The following HADHA variants were observed in gnomAD, a reference collection of about 807,000 sequenced individuals.
HADHA encodes the protein trifunctional enzyme subunit alpha, mitochondrial.
HADHA carries 59 observed loss-of-function variants against 91.3 expected under a neutral mutation model. The ratio of observed to expected loss-of-function variants is 0.65; its 90% CI spans 0.52 to 0.80. HADHA has a LOEUF of 0.80. HADHA is among the 30% of genes least tolerant of loss of function. HADHA has a pLI of 0.00. For missense variants in HADHA, 800 were observed against 927.6 expected, an observed-to-expected ratio of 0.86 and a Z score of 1.79; for synonymous variants, 320 against 338.9, an observed-to-expected ratio of 0.94 and a Z score of 0.61.
At position 26,190,892 on chromosome 2, in the gene HADHA, A is replaced by T; in HGVS notation, c.*358T>A. 1 of 370,742 alleles carries T rather than the reference A, an allele frequency of 2.7e-6. No homozygotes were observed. The highest frequency in any genetic ancestry group is 5.0e-6 in the Non-Finnish European group (1 of 198,768). The allele number at this position is 370,742 out of a possible 1,614,324, so 23.0% of individuals were successfully genotyped here. On this transcript the variant is annotated 3_prime_UTR_variant, in exon 20 of 20. Coordinates refer to ENST00000380649, the MANE Select transcript of HADHA (RefSeq NM_000182.5). ...GATGCTGACACAGAGTTTGGTTTTT[A>T]TTGTTATGTGTTTGGCTGGGTGCAG...
At chr2:26,236,740 G>A (rs1670770183) in intron 4 of HADHA, 115 bp downstream of exon 4, 3 of 811,510 alleles carry the variant, frequency 3.7e-6, no homozygotes, top group Middle Eastern at 3.7e-4. Context: ...CAATTTTACA[G>A]GCCTGTGTCA....
At chr2:26,206,444 G>T (rs1669973812) in intron 11 of HADHA, among the ~76,000 whole-genome samples, 1 of 152,028 alleles carries the variant, frequency 6.6e-6, no homozygotes, top group African/African-American at 2.4e-5. Context: ...GGCCAGGCTG[G>T]TCTCGAACTC....
At chr2:26,234,453 A>G (rs1670699256) in intron 4 of HADHA, 98 bp from the exon 5 acceptor site, 1 of 1,025,370 alleles carries the variant, frequency 9.8e-7, no homozygotes, top group Admixed American at 1.9e-5. Flanking sequence ...ATCATGCATC[A>G]ATATTTGATG....
Position 26,236,930 on chromosome 2 carries a change from C to T in HADHA, c.239G>A (p.Trp80Ter), listed in dbSNP as rs757049846. 1.9e-6 allele frequency: 3 copies of T among 1,607,780 alleles called. No individual in the cohort carries two copies. The highest frequency in any genetic ancestry group is 1.1e-5 in the South Asian group (1 of 90,958). Residue 80 changes from tryptophan to a stop codon, truncating the protein, a stop_gained, in exon 4 of 20, where the codon TGG becomes TAG. Transcript: ENST00000380649. LOFTEE classifies it high-confidence loss of function. ...SEFSEVMNEI[W>*]ASDQIRSAVL... The stretch of plus-strand genomic sequence containing the variant: ...GGCACTTCTGATTTGATCACTAGCC[C>T]AGATTTCATTCATAACTTCTGAGAA...
At position 26,190,896 on chromosome 2, in the gene HADHA, T is replaced by C; in HGVS notation, c.*354A>G. On this transcript the variant is annotated 3_prime_UTR_variant, in exon 20 of 20. Transcript: ENST00000380649. ...CTGACACAGAGTTTGGTTTTTATTG[T>C]TATGTGTTTGGCTGGGTGCAGAACT... 2.6e-6 allele frequency: 1 copy of C among 384,740 alleles called. No individual in the cohort carries two copies. The highest frequency in any genetic ancestry group is 4.8e-6 in the Non-Finnish European group (1 of 206,746). The allele number at this position is 384,740 out of a possible 1,614,324, so 23.8% of individuals were successfully genotyped here. A position where few individuals can be genotyped will look rare whatever the true frequency, so the allele number is the denominator to read the frequency against.
intron 14 of HADHA, among the ~76,000 whole-genome samples, chr2:26,196,997 A>C (rs1302467611): frequency 1.3e-5 from 2 of 152,224 alleles, no homozygotes; most frequent in African/African-American, 4.8e-5. Context: ...AAGAGTAGGA[A>C]TAAATAGGCT....
At chr2:26,232,027 C>T in intron 6 of HADHA, 133 bp downstream of exon 6, 1 of 690,616 alleles carries the variant, frequency 1.4e-6, no homozygotes. Context: ...GGAATAAAGT[C>T]TGTCACTGAT....
chr2:26,199,715 T>C (rs1472977070), intron 13 of HADHA, among the ~76,000 whole-genome samples: 1 of 152,212 alleles, frequency 6.6e-6, no homozygotes, highest in Non-Finnish European at 1.5e-5. Flanking sequence ...TTTTTATTTT[T>C]TAAATTATTT....
intron 10 of HADHA, among the ~76,000 whole-genome samples, chr2:26,211,031 G>A (rs1670087792): frequency 6.6e-6 from 1 of 152,156 alleles, no homozygotes; most frequent in Non-Finnish European, 1.5e-5. Flanking sequence ...CACAATCAAT[G>A]CTTTACTAAT....
At position 26,192,129 on chromosome 2, in the gene HADHA, A is replaced by G. The variant is rs116515349; in HGVS notation, c.2000+181T>C. On this transcript the variant is annotated intron_variant, in intron 18 of 19. Coordinates refer to ENST00000380649, the MANE Select transcript of HADHA (RefSeq NM_000182.5). ...TCAGGAGTGGTCCTCCTGTTCAGGT[A>G]TGGTGGTCACAAAGAAAATGGAAGA... is the stretch of plus-strand genomic sequence containing the variant. Among the ~76,000 whole-genome samples the G allele has an allele frequency of 5.2e-3, 794 of 152,132 alleles. 6 individuals are homozygous for G. The highest frequency in any genetic ancestry group is 0.018 in the African/African-American group (750 of 41,500).
chr2:26,213,131 T>C lies in HADHA; in HGVS notation c.919-505A>G, dbSNP rs182301086. On this transcript the variant is annotated intron_variant, in intron 9 of 19. Transcript: ENST00000380649. ...ATTTTTAGAAATAAGCAAATTGACA[T>C]CTCTAACTCTGACTTCTCTGTCTAA... 2.0e-5 allele frequency among the ~76,000 whole-genome samples: 3 copies of C among 152,336 alleles called. No individual in the cohort carries two copies. In the East Asian group the frequency reaches 5.8e-4, roughly 29 times the overall value.
intron 11 of HADHA, among the ~76,000 whole-genome samples, chr2:26,207,067 A>G (rs1246935391): frequency 6.6e-6 from 1 of 152,094 alleles, no homozygotes; most frequent in Admixed American, 6.6e-5. Flanking sequence ...GTGTGGTGGT[A>G]TGTGCCTGTA....
At chr2:26,194,842 C>T (rs746737116) in intron 15 of HADHA, among the ~76,000 whole-genome samples, 1 of 151,954 alleles carries the variant, frequency 6.6e-6, no homozygotes, top group Non-Finnish European at 1.5e-5. Flanking sequence ...AACAGTACAG[C>T]AGATAGTTTC....
intron 7 of HADHA, among the ~76,000 whole-genome samples, chr2:26,219,711 T>A (rs918419699): frequency 6.6e-6 from 1 of 152,222 alleles, no homozygotes; most frequent in Non-Finnish European, 1.5e-5. Flanking sequence ...AAGGTGGGCA[T>A]AGTTACCATA....
At chr2:26,223,460 G>C (rs1670420676) in intron 7 of HADHA, among the ~76,000 whole-genome samples, 1 of 152,150 alleles carries the variant, frequency 6.6e-6, no homozygotes, top group South Asian at 2.1e-4. Flanking sequence ...CAAAGAACTA[G>C]GACAAACTGA....
In HADHA at chr2:26,229,498, CTGAA is replaced by C. The variant is rs1670568304; in HGVS notation, c.676+690_676+693del. On this transcript the variant is annotated intron_variant, in intron 7 of 19. Coordinates refer to ENST00000380649, the MANE Select transcript of HADHA (RefSeq NM_000182.5). The surrounding 1 kb of genome is among the most constrained non-coding windows in gnomAD (Gnocchi z 4.3). The stretch of plus-strand genomic sequence containing the variant: ...CTTTGGATAAAGGGAGGCAAAGAAA[CTGAA>C]TGGGAGGAAGTAGCCCATCAGTAGA... Among the ~76,000 whole-genome samples the C allele has an allele frequency of 6.6e-6, 1 of 151,992 alleles. No individual in the cohort carries two copies. The highest frequency in any genetic ancestry group is 2.4e-5 in the African/African-American group (1 of 41,356).
At chr2:26,195,049 G>A (rs1481873913) in intron 15 of HADHA, 43 bp downstream of exon 15, 1 of 1,531,874 alleles carries the variant, frequency 6.5e-7, no homozygotes, top group South Asian at 1.1e-5. Context: ...AGTCTTATTA[G>A]AACTTTTCAA....
chr2:26,194,593 ACAT>A lies in HADHA; in HGVS notation c.1663_1665del (p.Met555del). 1.2e-6 allele frequency: 2 copies of A among 1,611,776 alleles called. No homozygotes were observed. Among genetic ancestry groups the A allele is most frequent in the South Asian group, 2.2e-5 (2 of 91,038 alleles). On this transcript the variant is annotated inframe_deletion, in exon 16 of 20. Transcript: ENST00000380649. ...ACCTGGAGGATTCGGATGACTTCAGACATCATGGGCGCAAGACACCTGGTAGTA... is the reference window on the plus strand; with the variant it reads ...ACCTGGAGGATTCGGATGACTTCAGACATGGGCGCAAGACACCTGGTAGTA...
intron 7 of HADHA, among the ~76,000 whole-genome samples, chr2:26,228,207 G>A (rs1381773252): frequency 4.0e-5 from 6 of 150,296 alleles, no homozygotes; most frequent in African/African-American, 7.4e-5. Context: ...CTTGGCTCAC[G>A]GCAACCTCCA....
Sources: allele counts gnomAD v4.1 joint callset (sites outside exome capture counted in the v4.1 genomes callset), GRCh38; gene constraint gnomAD v4.1.1; non-coding constraint Gnocchi (gnomAD v3.1); transcripts MANE v1.5; gene names NCBI Gene and HGNC (gene_info 2026-07-23, HGNC 2026-07-21).